RALGPS1: variants seen among roughly 807,000 people sequenced by gnomAD.
RALGPS1 encodes Ral GEF with PH domain and SH3 binding motif 1.
A neutral mutation model predicts 78.8 loss-of-function variants in RALGPS1; 19 were observed. That is an observed-to-expected ratio of 0.24 (90% CI 0.17 to 0.35). The LOEUF (loss-of-function observed/expected upper bound fraction) is 0.35, where lower values mean the gene tolerates loss of function less well. Ranked by LOEUF, RALGPS1 falls within the 10% of genes least tolerant of loss-of-function variation. The pLI, the probability that RALGPS1 is intolerant of heterozygous loss-of-function variation, is 1.00. For synonymous variants in RALGPS1, 228 were observed against 256.3 expected, an observed-to-expected ratio of 0.89 and a Z score of 1.06; for missense variants, 454 against 688.3, an observed-to-expected ratio of 0.66 and a Z score of 3.81.
At chr9:126,942,598 A>G (rs139260707) in intron 1 of RALGPS1, among the ~76,000 whole-genome samples, 1 of 152,170 alleles carries the variant, frequency 6.6e-6, no homozygotes, top group Non-Finnish European at 1.5e-5. Context: ...TTTGCCATTT[A>G]TCATTGACTG....
At chr9:126,936,916 T>C (rs1182057658) in intron 1 of RALGPS1, among the ~76,000 whole-genome samples, 1 of 151,732 alleles carries the variant, frequency 6.6e-6, no homozygotes, top group East Asian at 1.9e-4. Flanking sequence ...GGCATGATAC[T>C]GTCTCACGAA....
intron 4 of RALGPS1, among the ~76,000 whole-genome samples, chr9:126,997,676 G>A (rs1054519655): frequency 1.3e-5 from 2 of 152,082 alleles, no homozygotes; most frequent in African/African-American, 4.8e-5. Flanking sequence ...CTACTTAAAA[G>A]TTCATATGGA....
At chr9:127,040,692 AG>A (rs1231492782) in intron 5 of RALGPS1, among the ~76,000 whole-genome samples, 1 of 152,158 alleles carries the variant, frequency 6.6e-6, no homozygotes, top group Non-Finnish European at 1.5e-5. Context: ...ATCTGAGGCC[AG>A]GGTCATTTGC....
chr9:127,040,553 A>G (rs2047203261), intron 5 of RALGPS1, among the ~76,000 whole-genome samples: 2 of 152,136 alleles, frequency 1.3e-5, no homozygotes, highest in South Asian at 4.1e-4. Context: ...TAAGGACTAG[A>G]ATGTTTAAAG....
chr9:127,058,247 G>A (rs921525830), intron 7 of RALGPS1, among the ~76,000 whole-genome samples: 1 of 152,246 alleles, frequency 6.6e-6, no homozygotes, highest in Non-Finnish European at 1.5e-5. Context: ...GGCCAATCAT[G>A]TAGGGCTCAA....
chr9:127,011,129 G>T (rs915811249), intron 4 of RALGPS1, among the ~76,000 whole-genome samples: 1 of 152,084 alleles, frequency 6.6e-6, no homozygotes, highest in Non-Finnish European at 1.5e-5. Flanking sequence ...TTGCCCTGGC[G>T]GCTGGAGATG....
intron 8 of RALGPS1, among the ~76,000 whole-genome samples, chr9:127,074,783 G>GC (rs1314104636): frequency 6.6e-6 from 1 of 152,226 alleles, no homozygotes; most frequent in Non-Finnish European, 1.5e-5. Flanking sequence ...CCAGGACTGG[G>GC]CCCAGATGGC....
At chr9:127,021,292 A>G (rs564261530) in intron 4 of RALGPS1, among the ~76,000 whole-genome samples, 1 of 152,214 alleles carries the variant, frequency 6.6e-6, no homozygotes, top group African/African-American at 2.4e-5. Flanking sequence ...ACTTGAGGTC[A>G]AGAGTTTGAG....
intron 11 of RALGPS1, among the ~76,000 whole-genome samples, chr9:127,190,688 A>G (rs1430442139): frequency 6.6e-6 from 1 of 152,230 alleles, no homozygotes; most frequent in Non-Finnish European, 1.5e-5. Context: ...GCAATGACGC[A>G]CAATGCTACC....
chr9:127,027,700 C>G (rs1246105231), intron 4 of RALGPS1, among the ~76,000 whole-genome samples: 4 of 152,180 alleles, frequency 2.6e-5, no homozygotes, highest in Non-Finnish European at 5.9e-5. Context: ...ACATTTACTG[C>G]CTAAAAGAAC....
intron 1 of RALGPS1, among the ~76,000 whole-genome samples, chr9:126,921,131 C>T (rs1426803371): frequency 6.6e-6 from 1 of 152,218 alleles, no homozygotes; most frequent in Non-Finnish European, 1.5e-5. Flanking sequence ...TGTGGGAGAA[C>T]CAAGAAGCAC....
chr9:127,050,172 C>T (rs775506052), intron 6 of RALGPS1, 40 bp downstream of exon 6: 121 of 1,460,714 alleles, frequency 8.3e-5, no homozygotes, highest in Non-Finnish European at 1.1e-4. Context: ...TTTCCCTCTT[C>T]TCTCCCACAC....
intron 8 of RALGPS1, among the ~76,000 whole-genome samples, chr9:127,156,069 A>T (rs1171597357): frequency 6.6e-6 from 1 of 152,208 alleles, no homozygotes; most frequent in African/African-American, 2.4e-5. Flanking sequence ...TGTTACAGGC[A>T]TACCTGATGT....
chr9:127,110,617 C>T (rs962178952), intron 8 of RALGPS1, among the ~76,000 whole-genome samples: 3 of 152,190 alleles, frequency 2.0e-5, no homozygotes, highest in South Asian at 2.1e-4. Context: ...TATCTCAACT[C>T]ATCCAGAAAT....
intron 8 of RALGPS1, among the ~76,000 whole-genome samples, chr9:127,148,485 C>T (rs950640379): frequency 1.1e-4 from 17 of 152,212 alleles, no homozygotes; most frequent in Non-Finnish European, 1.9e-4. Context: ...AATACACAAA[C>T]AAATTAATGA....
At chr9:127,106,995 T>C (rs2054280862) in intron 8 of RALGPS1, 2 of 152,212 alleles carry the variant, frequency 1.3e-5, no homozygotes, top group African/African-American at 4.8e-5. Flanking sequence ...CTGGGAAGGC[T>C]CAGGTGTTCT....
At chr9:127,151,718 T>C (rs939399288) in intron 8 of RALGPS1, among the ~76,000 whole-genome samples, 5 of 152,234 alleles carry the variant, frequency 3.3e-5, no homozygotes, top group Non-Finnish European at 7.3e-5. Flanking sequence ...TAGGAATAGA[T>C]TTCTTTCCTG....
At chr9:127,075,025 A>G (rs1052844485) in intron 8 of RALGPS1, among the ~76,000 whole-genome samples, 6 of 152,204 alleles carry the variant, frequency 3.9e-5, no homozygotes, top group African/African-American at 1.4e-4. Flanking sequence ...TTCCAAGGGC[A>G]TTGGTCAGCC....
chr9:126,955,132 T>A (rs2038222249), intron 1 of RALGPS1, among the ~76,000 whole-genome samples: 1 of 152,228 alleles, frequency 6.6e-6, no homozygotes, highest in Non-Finnish European at 1.5e-5. Flanking sequence ...AAATATCATC[T>A]TTCACCCTAT....
Sources: gnomAD v4.1 joint callset for allele counts (sites outside exome capture counted in the v4.1 genomes callset) on GRCh38, gnomAD v4.1.1 for gene constraint, MANE v1.5 for transcripts, NCBI Gene and HGNC (gene_info 2026-07-23, HGNC 2026-07-21) for gene names.